The following HELLS variants were observed in gnomAD, a reference collection of about 807,000 sequenced individuals.
The protein encoded by HELLS is helicase, lymphoid specific.
A neutral mutation model predicts 120.0 loss-of-function variants in HELLS; 32 were observed. The ratio of observed to expected loss-of-function variants is 0.27; its 90% CI spans 0.20 to 0.36. The LOEUF (loss-of-function observed/expected upper bound fraction) is 0.36. HELLS is among the 10% of genes least tolerant of loss of function. The pLI is 1.00. For synonymous variants in HELLS, 341 were observed against 323.4 expected, an observed-to-expected ratio of 1.05 and a Z score of -0.58; for missense variants, 650 against 993.4, an observed-to-expected ratio of 0.65 and a Z score of 4.65.
rs1844148239 is a variant in HELLS, at chr10:94,571,319, G to A, written c.436-69G>A. ...CTGGCAAAATGAGCACAGAATAAAT[G>A]CTTGTTGAATAAATAAATAAATGAA... is the stretch of plus-strand genomic sequence containing the variant. On this transcript the variant is annotated intron_variant, in intron 6 of 21. Transcript: ENST00000348459. 3.2e-6 allele frequency: 4 copies of A among 1,235,794 alleles called. No homozygotes were observed. In the Admixed American group the frequency reaches 6.3e-5, roughly 19 times the overall value. The allele number at this position is 1,235,794 out of a possible 1,614,324, so 76.6% of individuals were successfully genotyped here. A position where few individuals can be genotyped will look rare whatever the true frequency, so the allele number is the denominator to read the frequency against.
chr10:94,574,435 A>G (rs1054803479), intron 8 of HELLS, 119 bp from the exon 9 acceptor site: 1 of 817,366 alleles, frequency 1.2e-6, no homozygotes. Context: ...GTGTGAATAT[A>G]TCAGCTTTAA....
At position 94,581,277 on chromosome 10, in the gene HELLS, A is replaced by T. The variant is rs993647882; in HGVS notation, c.1033-49A>T. 4.3e-6 allele frequency: 5 copies of T among 1,174,526 alleles called. No individual in the cohort carries two copies. In the African/African-American group the frequency reaches 7.7e-5, roughly 18 times the overall value. The allele number at this position is 1,174,526 out of a possible 1,614,324, so 72.8% of individuals were successfully genotyped here. On this transcript the variant is annotated intron_variant, in intron 10 of 21. Coordinates refer to ENST00000348459, the MANE Select transcript of HELLS (RefSeq NM_018063.5). Reference sequence around the variant, plus strand: ...TTATTTTTAGAATTCTTGTTAGAAAAATTGTGAGATCATTGTTTAAAAATC... The same window carrying T: ...TTATTTTTAGAATTCTTGTTAGAAATATTGTGAGATCATTGTTTAAAAATC...
At position 94,546,377 on chromosome 10, in the gene HELLS, G is replaced by T. The variant is rs1842754182; in HGVS notation, c.32G>T (p.Gly11Val). The T allele has an allele frequency of 1.9e-6, 3 of 1,614,128 alleles. No individual in the cohort carries two copies. The highest frequency in any genetic ancestry group is 1.7e-6 in the Non-Finnish European group (2 of 1,180,026). Residue 11 changes from glycine (G) to valine (V), a missense_variant and splice_region_variant, in exon 2 of 22, where the codon GGC (glycine) becomes GTC (valine). This residue lies in a region of HELLS where 90 missense variants were observed against 93.6 expected (regional missense o/e 0.96). Coordinates refer to ENST00000348459, the MANE Select transcript of HELLS (RefSeq NM_018063.5). The part of the protein sequence containing the change: MPAERPAGSG[G>V]SEAPAMVEQL... The stretch of plus-strand genomic sequence containing the variant: ...ATTTGAAAGCTTTCTCCCCCGTCAG[G>T]CTCGGAGGCTCCAGCAATGGTTGAA...
intron 6 of HELLS, among the ~76,000 whole-genome samples, chr10:94,567,373 A>G (rs563007682): frequency 6.6e-6 from 1 of 152,162 alleles, no homozygotes; most frequent in African/African-American, 2.4e-5. Context: ...ATCTCGGCTC[A>G]TTGCAACCTC....
chr10:94,575,789 G>C (rs1012295481), intron 9 of HELLS, among the ~76,000 whole-genome samples: 1 of 150,138 alleles, frequency 6.7e-6, no homozygotes, highest in Middle Eastern at 3.4e-3. Context: ...GTGTGTGTGT[G>C]TGTGTGTGTG....
Position 94,594,809 on chromosome 10 carries a change from A to G in HELLS, c.2203A>G (p.Arg735Gly), listed in dbSNP as rs1264370456. 6.2e-7 allele frequency: 1 copy of G among 1,613,900 alleles called. No individual in the cohort carries two copies. Among genetic ancestry groups the G allele is most frequent in the Admixed American group, 1.7e-5 (1 of 59,988 alleles). ...ANTIDQKIVE[R>G]AAAKRKLEKL... Reference sequence around the variant, plus strand: ...TACTATCGATCAGAAAATTGTGGAAAGAGCAGCTGCTAAAAGGAAACTGGA... The same window carrying G: ...TACTATCGATCAGAAAATTGTGGAAGGAGCAGCTGCTAAAAGGAAACTGGA... The change falls in exon 19 of 22, where the codon AGA (arginine) becomes GGA (glycine). Residue 735 changes from arginine to glycine, a missense_variant. Physicochemically the swap from Arg to Gly is moderately radical, Grantham distance 125. Coordinates refer to ENST00000348459, the MANE Select transcript of HELLS (RefSeq NM_018063.5).
intron 12 of HELLS, among the ~76,000 whole-genome samples, chr10:94,583,617 T>C (rs537362311): frequency 3.1e-4 from 47 of 152,246 alleles, no homozygotes; most frequent in African/African-American, 1.1e-3. Flanking sequence ...AGTAAAAATA[T>C]CACTTCCTCT....
chr10:94,563,893 C>G (rs567821584), intron 6 of HELLS, among the ~76,000 whole-genome samples: 1 of 151,320 alleles, frequency 6.6e-6, no homozygotes, highest in Admixed American at 6.6e-5. Context: ...TTACCGCATC[C>G]TCCGCTTCCC....
exon 9 of HELLS, chr10:94,608,016 C>T (rs933987229): frequency 1.3e-5 from 4 of 301,456 alleles, no homozygotes; most frequent in Middle Eastern, 3.9e-4. Context: ...TGAGCCACTG[C>T]GTGGCCTGAG....
At chr10:94,606,217 C>A (rs2134144063), downstream of HELLS, among the ~76,000 whole-genome samples, 1 of 151,798 alleles carries the variant, frequency 6.6e-6, no homozygotes, top group Admixed American at 6.6e-5. Context: ...TGTTGTGTAT[C>A]TTATTTTTGT....
At chr10:94,585,407 T>G (rs1447667565) in intron 12 of HELLS, among the ~76,000 whole-genome samples, 16 of 123,574 alleles carry the variant, frequency 1.3e-4, no homozygotes, top group African/African-American at 5.3e-4. Flanking sequence ...GTTTTTTTGG[T>G]TTTTTTTTTT....
At chr10:94,559,357 G>A (rs1401655032) in intron 4 of HELLS, among the ~76,000 whole-genome samples, 1 of 152,180 alleles carries the variant, frequency 6.6e-6, no homozygotes, top group African/African-American at 2.4e-5. Context: ...GTGCCATATG[G>A]AGAAAGTATG....
At chr10:94,565,897 T>A (rs1359760093) in intron 6 of HELLS, among the ~76,000 whole-genome samples, 3 of 146,400 alleles carry the variant, frequency 2.0e-5, no homozygotes, top group Admixed American at 6.9e-5. Context: ...TCAATGAAAT[T>A]GAATTTTTTT....
chr10:94,553,514 G>A (rs1220344099), intron 2 of HELLS, among the ~76,000 whole-genome samples: 1 of 150,780 alleles, frequency 6.6e-6, no homozygotes, highest in Non-Finnish European at 1.5e-5. Flanking sequence ...CTCCCAAAGT[G>A]CTGGGATTAC....
rs1422767438 is a variant in HELLS at position 94,596,926 on chromosome 10, T to G, written c.2315T>G (p.Met772Arg). Reference protein sequence around the residue: ...SKNFLDPKELMELLKSRDYER... With the variant: ...SKNFLDPKELRELLKSRDYER... ...AATTTCTTAGATCCTAAGGAATTAA[T>G]GGAATTATTAAAATCTAGAGATTAT... The change falls in exon 20 of 22, where the codon ATG becomes AGG. Residue 772 changes from methionine (M) to arginine (R), a missense_variant. Physicochemically the swap from Met to Arg is moderately conservative, Grantham distance 91. Coordinates refer to ENST00000348459, the MANE Select transcript of HELLS (RefSeq NM_018063.5). The G allele has an allele frequency of 2.0e-6, 3 of 1,512,180 alleles. No homozygotes were observed. The highest frequency in any genetic ancestry group is 2.8e-6 in the Non-Finnish European group (3 of 1,088,642). 93.7% of individuals were successfully genotyped at this position (1,512,180 alleles called of 1,614,324 possible).
At chr10:94,568,215 T>TA (rs1185671212) in intron 6 of HELLS, among the ~76,000 whole-genome samples, 1 of 151,706 alleles carries the variant, frequency 6.6e-6, no homozygotes, top group Non-Finnish European at 1.5e-5. Flanking sequence ...GCCCTTTTTT[T>TA]TTTTTTTTTA....
intron 21 of HELLS, among the ~76,000 whole-genome samples, chr10:94,597,588 G>A (rs79674074): frequency 0.012 from 1,828 of 152,052 alleles, 55 homozygotes; most frequent in African/African-American, 0.042. Context: ...GCTGGAGTGC[G>A]CTGACACGAT....
chr10:94,550,372 G>A (rs1842925011), intron 2 of HELLS, among the ~76,000 whole-genome samples: 1 of 151,968 alleles, frequency 6.6e-6, no homozygotes, highest in Non-Finnish European at 1.5e-5. Context: ...TTCACCTGCC[G>A]GGTTTAAGCG....
At chr10:94,562,334 C>T (rs1589714656) in intron 4 of HELLS, among the ~76,000 whole-genome samples, 2 of 151,986 alleles carry the variant, frequency 1.3e-5, no homozygotes, top group South Asian at 4.1e-4. Flanking sequence ...ACCTGGCAGG[C>T]GGAGGTTGCA....
Sources: gnomAD v4.1 joint callset for allele counts (sites outside exome capture counted in the v4.1 genomes callset) on GRCh38, gnomAD v4.1.1 for gene constraint, gnomAD v4.1.1 regional missense constraint, MANE v1.5 for transcripts, NCBI Gene and HGNC (gene_info 2026-07-23, HGNC 2026-07-21) for gene names.